The following COL23A1 variants were observed in gnomAD, a reference collection of about 807,000 sequenced individuals.
COL23A1 encodes the protein collagen type XXIII alpha 1 chain, also known as collagen alpha-1(XXIII) chain.
A neutral mutation model predicts 99.3 loss-of-function variants in COL23A1; 97 were observed. That is an observed-to-expected ratio of 0.98 (90% CI 0.83 to 1.16). The LOEUF is 1.16. Among genes scored for constraint, COL23A1 ranks in the 50% most tolerant of loss-of-function variants. The pLI, the probability that COL23A1 is intolerant of heterozygous loss-of-function variation, is 0.00. For missense variants in COL23A1, 762 were observed against 757.4 expected (o/e 1.01, Z -0.07); for synonymous variants, 320 against 308.2 (o/e 1.04, Z -0.40).
intron 1 of COL23A1, among the ~76,000 whole-genome samples, chr5:178,579,938 T>C (rs576643827): frequency 1.3e-4 from 20 of 152,182 alleles, no homozygotes; most frequent in African/African-American, 3.1e-4. Flanking sequence ...CAGGTGCCCA[T>C]TGCCACCAGG....
chr5:178,337,166 G>A (rs1760378374), intron 2 of COL23A1, among the ~76,000 whole-genome samples: 1 of 152,198 alleles, frequency 6.6e-6, no homozygotes. Flanking sequence ...GCGCCAGGCC[G>A]GCCTCGCTCA....
At chr5:178,411,781 T>C (rs1765068678) in intron 2 of COL23A1, among the ~76,000 whole-genome samples, 1 of 152,188 alleles carries the variant, frequency 6.6e-6, no homozygotes, top group African/African-American at 2.4e-5. Flanking sequence ...GCTATATGAA[T>C]TTCACCTCAA....
At chr5:178,326,918 C>T (rs981675994) in intron 2 of COL23A1, among the ~76,000 whole-genome samples, 3 of 152,214 alleles carry the variant, frequency 2.0e-5, no homozygotes, top group African/African-American at 7.2e-5. Flanking sequence ...CGGGGTTTCA[C>T]CATGCTGGTC....
intron 2 of COL23A1, among the ~76,000 whole-genome samples, chr5:178,358,725 ATGTGTGTATGTGTATCTG>A (rs1245801881): frequency 2.9e-5 from 4 of 139,646 alleles, no homozygotes; most frequent in African/African-American, 5.7e-5. Flanking sequence ...GTGTATGTGT[ATGTGTGTATGTGTATCTG>A]TGTGTGTATC....
intron 2 of COL23A1, among the ~76,000 whole-genome samples, chr5:178,373,684 G>A (rs1007377748): frequency 1.1e-4 from 16 of 152,336 alleles, no homozygotes; most frequent in African/African-American, 3.8e-4. Context: ...CCAAAGTGCT[G>A]GGATTACAGG....
intron 2 of COL23A1, among the ~76,000 whole-genome samples, chr5:178,526,898 T>C (rs1452245364): frequency 6.6e-6 from 1 of 152,226 alleles, no homozygotes; most frequent in Non-Finnish European, 1.5e-5. Flanking sequence ...AACTGCCGTA[T>C]GAAACTGTTC....
chr5:178,315,351 G>A (rs886985812), intron 2 of COL23A1, among the ~76,000 whole-genome samples: 1 of 152,178 alleles, frequency 6.6e-6, no homozygotes, highest in Non-Finnish European at 1.5e-5. Flanking sequence ...GACGGGCTGA[G>A]CCCAGCAGGC....
chr5:178,323,293 C>T (rs1202060608), intron 2 of COL23A1, among the ~76,000 whole-genome samples: 1 of 152,138 alleles, frequency 6.6e-6, no homozygotes, highest in Non-Finnish European at 1.5e-5. Context: ...AGCTCTTGCC[C>T]TTTCCAGACC....
chr5:178,260,128 G>C (rs560769227), intron 11 of COL23A1, among the ~76,000 whole-genome samples: 2 of 152,340 alleles, frequency 1.3e-5, no homozygotes, highest in East Asian at 3.9e-4. Context: ...CCCAAAGAGG[G>C]CGAAAATGAA....
At chr5:178,385,582 C>T (rs1051547736) in intron 2 of COL23A1, among the ~76,000 whole-genome samples, 1 of 152,212 alleles carries the variant, frequency 6.6e-6, no homozygotes, top group Non-Finnish European at 1.5e-5. Flanking sequence ...TGACCCTGGC[C>T]GTGTGCACGT....
chr5:178,445,656 A>G (rs985846455), intron 2 of COL23A1, among the ~76,000 whole-genome samples: 3 of 152,198 alleles, frequency 2.0e-5, no homozygotes, highest in Admixed American at 2.0e-4. Context: ...TAGAAACTAC[A>G]TCGAAAAGAT....
chr5:178,502,791 A>G (rs1420648229), intron 2 of COL23A1, among the ~76,000 whole-genome samples: 1 of 152,244 alleles, frequency 6.6e-6, no homozygotes, highest in African/African-American at 2.4e-5. Flanking sequence ...CACACGCCAG[A>G]AGACGTGCAC....
At chr5:178,265,582 C>T (rs1280072850) in intron 8 of COL23A1, 3 of 746,562 alleles carry the variant, frequency 4.0e-6, no homozygotes, top group African/African-American at 3.8e-5. Flanking sequence ...TGAGGTCTAA[C>T]CCTGCAAACG....
chr5:178,313,742 T>C lies in COL23A1; in HGVS notation c.362-6823A>G, dbSNP rs1212445638. The stretch of plus-strand genomic sequence containing the variant: ...TTATATGACCCTCTTCCCAGAACTT[T>C]GGGAGGAAGTGGGGTGAGATGGCCT... On this transcript the variant is annotated intron_variant, in intron 2 of 28. Coordinates refer to ENST00000390654, the MANE Select transcript of COL23A1 (RefSeq NM_173465.4). This position sits in a 1 kb window ranked among gnomAD's most constrained non-coding sequence, Gnocchi z 4.2. Among the ~76,000 whole-genome samples the C allele has an allele frequency of 6.6e-6, 1 of 152,002 alleles. No homozygotes were observed. The highest frequency in any genetic ancestry group is 1.5e-5 in the Non-Finnish European group (1 of 68,000).
Position 178,560,684 on chromosome 5 carries a change from G to A in COL23A1, c.359C>T (p.Pro120Leu). ...AAGGGAGCTCAACCTTCACTTACCT[G>A]GGGGGCAGACACATTCGGATGGAGC... Reference protein sequence around the residue: ...REAPSECVCPPGPPGRRGKPG... With the variant: ...REAPSECVCPLGPPGRRGKPG... Residue 120 changes from proline (P) to leucine (L), a missense_variant and splice_region_variant, in exon 2 of 29, where the codon CCA becomes CTA. Pro to Leu is a moderately conservative substitution (Grantham distance 98). Coordinates refer to ENST00000390654, the MANE Select transcript of COL23A1 (RefSeq NM_173465.4). The A allele has an allele frequency of 6.2e-7, 1 of 1,612,250 alleles. No homozygotes were observed. Among genetic ancestry groups the A allele is most frequent in the Non-Finnish European group, 8.5e-7 (1 of 1,179,322 alleles).
intron 2 of COL23A1, among the ~76,000 whole-genome samples, chr5:178,363,905 C>T (rs1202835233): frequency 2.0e-5 from 3 of 152,194 alleles, no homozygotes; most frequent in Non-Finnish European, 4.4e-5. Context: ...CGTAGGTTCA[C>T]GTAATGGGAT....
In COL23A1 at chr5:178,527,469, G is replaced by A. The variant is rs540462541; in HGVS notation, c.361+33213C>T. 3.9e-5 allele frequency among the ~76,000 whole-genome samples: 6 copies of A among 152,300 alleles called. No individual in the cohort carries two copies. The East Asian group carries it at 9.7e-4, about 25-fold the overall frequency. On this transcript the variant is annotated intron_variant, in intron 2 of 28. Coordinates refer to ENST00000390654, the MANE Select transcript of COL23A1 (RefSeq NM_173465.4). ...GCTCCAAGGGGCCTCCAGGCACCCCGCAGCCTTCTAAGAGAACGTCTCCTG... is the reference window on the plus strand; with the variant it reads ...GCTCCAAGGGGCCTCCAGGCACCCCACAGCCTTCTAAGAGAACGTCTCCTG...
chr5:178,492,384 A>C (rs1757977792), intron 2 of COL23A1, among the ~76,000 whole-genome samples: 1 of 152,098 alleles, frequency 6.6e-6, no homozygotes, highest in South Asian at 2.1e-4. Flanking sequence ...ACACACACAG[A>C]GGGAAGGCCG....
At chr5:178,556,552 G>A (rs2113524438) in intron 2 of COL23A1, among the ~76,000 whole-genome samples, 1 of 151,898 alleles carries the variant, frequency 6.6e-6, no homozygotes, top group South Asian at 2.1e-4. Context: ...GAACCTGGGA[G>A]GTGGAGGTTG....
Sources: gnomAD v4.1 joint callset for allele counts (sites outside exome capture counted in the v4.1 genomes callset) on GRCh38, gnomAD v4.1.1 for gene constraint, Gnocchi (gnomAD v3.1) non-coding constraint, MANE v1.5 for transcripts, NCBI Gene and HGNC (gene_info 2026-07-23, HGNC 2026-07-21) for gene names.